Variants in DPP6 observed in about 807,000 individuals in gnomAD.
DPP6 encodes dipeptidyl peptidase like 6.
DPP6 carries 69 observed loss-of-function variants against 122.6 expected under a neutral mutation model. That is an observed-to-expected ratio of 0.56 (90% CI 0.46 to 0.69). The LOEUF (loss-of-function observed/expected upper bound fraction) is 0.69. Ranked by LOEUF, DPP6 falls within the 30% of genes least tolerant of loss-of-function variation. The pLI is 0.00. For synonymous variants in DPP6, 418 were observed against 433.1 expected (o/e 0.97, Z 0.43); for missense variants, 928 against 1,116.9 (o/e 0.83, Z 2.41).
chr7:154,474,141 T>A (rs550403213), intron 2 of DPP6, among the ~76,000 whole-genome samples: 10 of 152,292 alleles, frequency 6.6e-5, no homozygotes, highest in Admixed American at 2.0e-4. Flanking sequence ...CAGCCCTGTG[T>A]CTTTTCAAAG....
chr7:153,800,386 G>A, the DPP6 span, among the ~76,000 whole-genome samples: 1 of 152,160 alleles, frequency 6.6e-6, no homozygotes, highest in Non-Finnish European at 1.5e-5. Context: ...TTTCATGAAG[G>A]CAAAGAGTAG....
chr7:154,060,014 A>AG (rs1220180260), intron 1 of DPP6, among the ~76,000 whole-genome samples: 45 of 140,282 alleles, frequency 3.2e-4, no homozygotes, highest in African/African-American at 1.0e-3. Flanking sequence ...GCATCGCGGG[A>AG]GGGGAGGCAC....
At chr7:154,621,141 CCT>C (rs1834621174) in intron 5 of DPP6, among the ~76,000 whole-genome samples, 1 of 152,124 alleles carries the variant, frequency 6.6e-6, no homozygotes, top group Non-Finnish European at 1.5e-5. Context: ...AAAATTATTT[CCT>C]CTCTGTTTCC....
chr7:154,123,588 AC>A (rs1337593451), intron 1 of DPP6, among the ~76,000 whole-genome samples: 4 of 152,120 alleles, frequency 2.6e-5, no homozygotes, highest in African/African-American at 7.2e-5. Context: ...CTGGAGAGTG[AC>A]CCGTGTGCTC....
intron 1 of DPP6, among the ~76,000 whole-genome samples, chr7:154,064,653 A>T (rs1802556313): frequency 6.6e-6 from 1 of 152,108 alleles, no homozygotes; most frequent in Non-Finnish European, 1.5e-5. Context: ...TCTCAGATTT[A>T]CTTTTCTCTG....
At chr7:154,583,477 C>T (rs1274309090) in intron 5 of DPP6, among the ~76,000 whole-genome samples, 4 of 152,246 alleles carry the variant, frequency 2.6e-5, no homozygotes, top group African/African-American at 9.6e-5. Flanking sequence ...GATTGGATTT[C>T]CCAGTCCCAC....
chr7:154,280,079 C>T (rs767851429), intron 1 of DPP6, among the ~76,000 whole-genome samples: 1 of 152,016 alleles, frequency 6.6e-6, no homozygotes, highest in African/African-American at 2.4e-5. Flanking sequence ...ATTGTTTATC[C>T]CCGATAACTG....
chr7:154,809,920 A>T (rs1013065967), intron 16 of DPP6, among the ~76,000 whole-genome samples: 1 of 152,168 alleles, frequency 6.6e-6, no homozygotes, highest in African/African-American at 2.4e-5. Flanking sequence ...CCCAGGCTGG[A>T]GTGCACTAGT....
chr7:153,843,956 G>C, the DPP6 span, among the ~76,000 whole-genome samples: 23 of 152,046 alleles, frequency 1.5e-4, no homozygotes, highest in African/African-American at 4.6e-4. Flanking sequence ...GGCGTTTATA[G>C]CCCTATCTTA....
Position 154,584,750 on chromosome 7 carries a change from T to C in DPP6, c.627+17834T>C, listed in dbSNP as rs143177873. 3.5e-3 allele frequency among the ~76,000 whole-genome samples: 529 copies of C among 152,304 alleles called. 7 individuals are homozygous for C. The highest frequency in any genetic ancestry group is 0.012 in the African/African-American group (505 of 41,570). ...CATACTAAGGAGGGCTTTATTGTTA[T>C]AAATATTTAAACCTGCTTTGCAGCC... On this transcript the variant is annotated intron_variant, in intron 5 of 25. Coordinates refer to ENST00000377770, the MANE Select transcript of DPP6 (RefSeq NM_130797.4).
chr7:154,801,979 A>G (rs1019134103), intron 13 of DPP6, among the ~76,000 whole-genome samples: 1 of 152,042 alleles, frequency 6.6e-6, no homozygotes, highest in African/African-American at 2.4e-5. Flanking sequence ...ATCCCTGAGT[A>G]GGGAATCTCA....
intron 1 of DPP6, among the ~76,000 whole-genome samples, chr7:154,224,447 A>G (rs1800482375): frequency 1.3e-5 from 2 of 149,438 alleles, no homozygotes; most frequent in Admixed American, 1.3e-4. Flanking sequence ...CTCTGGATAA[A>G]AATGAAACTC....
At chr7:154,737,336 A>G (rs1842614740) in intron 8 of DPP6, among the ~76,000 whole-genome samples, 1 of 152,218 alleles carries the variant, frequency 6.6e-6, no homozygotes, top group Non-Finnish European at 1.5e-5. Context: ...TCCTTGTGTG[A>G]AATGGCTTAG....
At chr7:154,772,627 G>A (rs1338541465) in intron 9 of DPP6, among the ~76,000 whole-genome samples, 1 of 152,148 alleles carries the variant, frequency 6.6e-6, no homozygotes, top group African/African-American at 2.4e-5. Context: ...GGAAGCGGAT[G>A]GGATTCTAGA....
At chr7:154,391,868 C>A (rs16884989) in intron 1 of DPP6, among the ~76,000 whole-genome samples, 11,723 of 152,216 alleles carry the variant, frequency 0.077, 493 homozygotes, top group East Asian at 0.11. Context: ...ACCAAGAGAA[C>A]AGCAACCAGC....
At chr7:153,947,492 AAATAAT>A (rs889390042) in intron 1 of DPP6, among the ~76,000 whole-genome samples, 6 of 152,072 alleles carry the variant, frequency 3.9e-5, no homozygotes, top group Non-Finnish European at 5.9e-5. Flanking sequence ...GACTGGCAAA[AAATAAT>A]AATAATAATA....
chr7:153,844,112 C>T, the DPP6 span, among the ~76,000 whole-genome samples: 5 of 152,168 alleles, frequency 3.3e-5, no homozygotes, highest in African/African-American at 9.7e-5. Context: ...TGTTCATAGG[C>T]TCTCTTCAGG....
intron 16 of DPP6, among the ~76,000 whole-genome samples, chr7:154,820,583 A>G (rs1799696368): frequency 6.6e-6 from 1 of 152,210 alleles, no homozygotes; most frequent in Non-Finnish European, 1.5e-5. Context: ...GGTCAAAATT[A>G]TGAACAGAAC....
chr7:154,889,200 G>A, intron 23 of DPP6, 72 bp from the exon 24 acceptor site: 1 of 1,551,438 alleles, frequency 6.4e-7, no homozygotes, highest in South Asian at 1.2e-5. Context: ...TCTCAGTCAG[G>A]TTTCCAAGCA....
Sources: allele counts gnomAD v4.1 joint callset (sites outside exome capture counted in the v4.1 genomes callset), GRCh38; gene constraint gnomAD v4.1.1; transcripts MANE v1.5; gene names NCBI Gene and HGNC (gene_info 2026-07-23, HGNC 2026-07-21).